The following CA10 variants were observed in gnomAD, a reference collection of about 807,000 sequenced individuals.
CA10 encodes carbonic anhydrase 10 (inactive), also known as carbonic anhydrase-related protein 10.
CA10 carries 14 observed loss-of-function variants against 44.2 expected under a neutral mutation model. The observed-to-expected ratio is 0.32, with a 90% CI of 0.21 to 0.50. The LOEUF (loss-of-function observed/expected upper bound fraction) is 0.50, where lower values mean the gene tolerates loss of function less well. CA10 is among the 20% of genes least tolerant of loss of function. The pLI, the probability that CA10 is intolerant of heterozygous loss-of-function variation, is 0.99. For synonymous variants in CA10, 159 were observed against 141.6 expected, an observed-to-expected ratio of 1.12 and a Z score of -0.87; for missense variants, 350 against 409.7, an observed-to-expected ratio of 0.85 and a Z score of 1.26.
chr17:51,865,539 C>A (rs969336524), intron 3 of CA10, among the ~76,000 whole-genome samples: 1 of 152,186 alleles, frequency 6.6e-6, no homozygotes. Context: ...GGCCGCAGGG[C>A]AGTGTCCATG....
At chr17:51,631,658 G>A in intron 8 of CA10, 52 bp from the exon 9 acceptor site, 1 of 1,471,052 alleles carries the variant, frequency 6.8e-7, no homozygotes. Context: ...ATAAAACGAG[G>A]CATACTCAAT....
chr17:51,932,811 T>C (rs1365817733), intron 2 of CA10, among the ~76,000 whole-genome samples: 1 of 152,154 alleles, frequency 6.6e-6, no homozygotes, highest in East Asian at 1.9e-4. Context: ...CTTTAGAAGG[T>C]ACCACGTCCT....
chr17:51,631,754 CTCCCT>C, intron 8 of CA10, 148 bp from the exon 9 acceptor site: 2 of 695,266 alleles, frequency 2.9e-6, no homozygotes, highest in Non-Finnish European at 2.5e-6. Context: ...ATTCCAACTA[CTCCCT>C]TCCAATTCTC....
intron 1 of CA10, among the ~76,000 whole-genome samples, chr17:52,092,011 C>G (rs916696615): frequency 6.6e-6 from 1 of 152,138 alleles, no homozygotes; most frequent in African/African-American, 2.4e-5. Flanking sequence ...TTCTACATAC[C>G]GATATATCTT....
intron 4 of CA10, among the ~76,000 whole-genome samples, chr17:51,741,744 C>A (rs903671389): frequency 6.6e-6 from 1 of 152,140 alleles, no homozygotes. Context: ...GTCATTTATT[C>A]CCTCATTCAG....
At chr17:51,873,175 T>C (rs537255177) in intron 3 of CA10, among the ~76,000 whole-genome samples, 2 of 152,294 alleles carry the variant, frequency 1.3e-5, no homozygotes, top group South Asian at 2.1e-4. Flanking sequence ...ATAATACTTA[T>C]GTAACAGCGT....
In CA10 at chr17:51,881,505, G is replaced by T. The variant is rs9893599; in HGVS notation, c.279+49485C>A. Among the ~76,000 whole-genome samples, 31 of 151,726 alleles carry T rather than the reference G, an allele frequency of 2.0e-4. 1 individual carries two copies. The highest frequency in any genetic ancestry group is 1.7e-3 in the Admixed American group (26 of 15,224). On this transcript the variant is annotated intron_variant, in intron 3 of 8. Transcript: ENST00000451037. ...CATTCAAAAGACAAATGATAAAAAA[G>T]AAAAAATTTGCAACACCTAAAACAT...
intron 1 of CA10, among the ~76,000 whole-genome samples, chr17:52,092,259 A>C (rs1435156885): frequency 3.3e-5 from 5 of 152,190 alleles, no homozygotes; most frequent in African/African-American, 1.2e-4. Flanking sequence ...AAGGGGACTA[A>C]TATAGCATTT....
At chr17:51,770,068 C>T (rs1336277342) in intron 3 of CA10, among the ~76,000 whole-genome samples, 2 of 151,678 alleles carry the variant, frequency 1.3e-5, no homozygotes. Flanking sequence ...GATTCTATAT[C>T]TCTGTTGCTC....
intron 1 of CA10, among the ~76,000 whole-genome samples, chr17:52,095,704 C>T (rs371152595): frequency 2.6e-5 from 4 of 152,126 alleles, no homozygotes; most frequent in Admixed American, 6.5e-5. Flanking sequence ...GAAGCACACA[C>T]GAATTCAATA....
intron 3 of CA10, among the ~76,000 whole-genome samples, chr17:51,777,669 C>T (rs1905877042): frequency 6.6e-6 from 1 of 152,184 alleles, no homozygotes; most frequent in Non-Finnish European, 1.5e-5. Flanking sequence ...ATAGGCCAGG[C>T]GCAGGGGTTC....
At chr17:51,759,948 G>A (rs932649251) in intron 3 of CA10, among the ~76,000 whole-genome samples, 2 of 152,166 alleles carry the variant, frequency 1.3e-5, no homozygotes, top group Non-Finnish European at 2.9e-5. Context: ...CCTAAACTAC[G>A]AAAATTCAAG....
chr17:51,858,079 G>C (rs188673125), intron 3 of CA10, among the ~76,000 whole-genome samples: 34 of 151,906 alleles, frequency 2.2e-4, no homozygotes, highest in African/African-American at 7.7e-4. Flanking sequence ...ATTGAGAAAC[G>C]GAAAGGAGAG....
At chr17:52,079,431 C>T (rs147367261) in intron 1 of CA10, among the ~76,000 whole-genome samples, 1 of 150,908 alleles carries the variant, frequency 6.6e-6, no homozygotes, top group Non-Finnish European at 1.5e-5. Flanking sequence ...TGCACCCCAG[C>T]CTGGGGGACA....
At chr17:51,710,581 G>A (rs1915905354) in intron 4 of CA10, among the ~76,000 whole-genome samples, 3 of 152,130 alleles carry the variant, frequency 2.0e-5, no homozygotes, top group African/African-American at 4.8e-5. Flanking sequence ...CACAGGAGGT[G>A]GGAGTTTGGG....
At chr17:51,867,261 T>A (rs1330724527) in intron 3 of CA10, among the ~76,000 whole-genome samples, 1 of 152,142 alleles carries the variant, frequency 6.6e-6, no homozygotes, top group Admixed American at 6.6e-5. Flanking sequence ...ACTCGTGGCA[T>A]ATTGAAAGGA....
At chr17:51,791,533 A>C (rs1027541980) in intron 3 of CA10, among the ~76,000 whole-genome samples, 8 of 152,176 alleles carry the variant, frequency 5.3e-5, no homozygotes, top group African/African-American at 1.9e-4. Context: ...ATATCAACAT[A>C]ATTTTTTTGG....
intron 1 of CA10, among the ~76,000 whole-genome samples, chr17:52,089,837 T>C (rs1014949423): frequency 3.9e-5 from 6 of 152,052 alleles, no homozygotes; most frequent in Non-Finnish European, 4.4e-5. Context: ...CTTGGAGAAA[T>C]TGGTTCTCTA....
At chr17:51,919,826 A>G (rs977669524) in intron 3 of CA10, among the ~76,000 whole-genome samples, 1 of 151,736 alleles carries the variant, frequency 6.6e-6, no homozygotes, top group Non-Finnish European at 1.5e-5. Context: ...TAATTTTTGT[A>G]ATTTTTTAGT....
Sources: gnomAD v4.1 joint callset for allele counts (sites outside exome capture counted in the v4.1 genomes callset) on GRCh38, gnomAD v4.1.1 for gene constraint, MANE v1.5 for transcripts, NCBI Gene and HGNC (gene_info 2026-07-23, HGNC 2026-07-21) for gene names.